The following NR2C1 variants were observed in gnomAD, a reference collection of about 807,000 sequenced individuals.
NR2C1 encodes TR2 nuclear hormone receptor.
NR2C1 carries 33 observed loss-of-function variants against 74.8 expected under a neutral mutation model. The ratio of observed to expected loss-of-function variants is 0.44; its 90% CI spans 0.33 to 0.59. NR2C1 has a LOEUF of 0.59. Ranked by LOEUF, NR2C1 falls within the 20% of genes least tolerant of loss-of-function variation. The pLI is 0.02. For synonymous variants in NR2C1, 225 were observed against 240.6 expected (o/e 0.94, Z 0.60); for missense variants, 568 against 715.6 (o/e 0.79, Z 2.35).
intron 9 of NR2C1, among the ~76,000 whole-genome samples, chr12:95,048,728 G>T (rs1004533838): frequency 6.7e-6 from 1 of 149,384 alleles, no homozygotes; most frequent in Non-Finnish European, 1.5e-5. Context: ...GAGTTCAATC[G>T]ATTGTCCTGC....
At chr12:95,033,288 T>G (rs1403293915) in intron 10 of NR2C1, among the ~76,000 whole-genome samples, 1 of 152,126 alleles carries the variant, frequency 6.6e-6, no homozygotes, top group Non-Finnish European at 1.5e-5. Context: ...ACATATATGA[T>G]TATACATAAT....
intron 12 of NR2C1, 149 bp downstream of exon 12, chr12:95,028,238 T>C (rs748393154): frequency 1.2e-5 from 7 of 607,884 alleles, no homozygotes; most frequent in Admixed American, 3.3e-5. Context: ...AGTCATATGA[T>C]AACTCCATGT....
chr12:95,034,805 G>T (rs1870607431), intron 10 of NR2C1, among the ~76,000 whole-genome samples: 1 of 152,118 alleles, frequency 6.6e-6, no homozygotes, highest in Non-Finnish European at 1.5e-5. Context: ...AGGAGCACTA[G>T]GCTGTAGCAT....
chr12:95,025,734 A>G (rs1869284865), intron 12 of NR2C1, among the ~76,000 whole-genome samples: 1 of 150,500 alleles, frequency 6.6e-6, no homozygotes, highest in Admixed American at 6.7e-5. Flanking sequence ...ACTATATACC[A>G]AGCACTATAT....
chr12:95,066,216 A>T (rs992398835), intron 2 of NR2C1, among the ~76,000 whole-genome samples: 11 of 152,148 alleles, frequency 7.2e-5, no homozygotes, highest in African/African-American at 2.7e-4. Context: ...TTTGGTTATA[A>T]CAAGGCTGGG....
At chr12:95,029,602 G>C (rs1258236206) in intron 11 of NR2C1, among the ~76,000 whole-genome samples, 3 of 144,380 alleles carry the variant, frequency 2.1e-5, no homozygotes, top group Non-Finnish European at 4.5e-5. Context: ...CTGTCGCCCA[G>C]GCTGGAGTGC....
intron 9 of NR2C1, among the ~76,000 whole-genome samples, chr12:95,047,174 T>TA (rs1360877226): frequency 6.6e-6 from 1 of 152,182 alleles, no homozygotes; most frequent in Non-Finnish European, 1.5e-5. Flanking sequence ...TCCTCCCATT[T>TA]AAATCCAAAG....
chr12:95,051,652 C>T (rs1873023303), intron 8 of NR2C1, 110 bp downstream of exon 8: 5 of 889,960 alleles, frequency 5.6e-6, no homozygotes, highest in African/African-American at 1.7e-5. Flanking sequence ...GATAATCAAC[C>T]TGTATTTGTT....
At chr12:95,045,403 A>C (rs1872185659) in intron 9 of NR2C1, among the ~76,000 whole-genome samples, 1 of 152,220 alleles carries the variant, frequency 6.6e-6, no homozygotes, top group Non-Finnish European at 1.5e-5. Flanking sequence ...TTTTTAACAA[A>C]TATAACGCTG....
At chr12:95,022,554 T>C in intron 13 of NR2C1, 151 bp from the exon 14 acceptor site, 1 of 685,146 alleles carries the variant, frequency 1.5e-6, no homozygotes, top group Non-Finnish European at 2.4e-6. Context: ...TCTCAAGCCT[T>C]AGAACATATG....
intron 9 of NR2C1, among the ~76,000 whole-genome samples, chr12:95,047,576 T>C (rs923616969): frequency 2.0e-5 from 3 of 152,238 alleles, no homozygotes; most frequent in Non-Finnish European, 4.4e-5. Context: ...TACATATTTA[T>C]TTGATAGCTG....
chr12:95,028,691 G>A (rs1340407394), intron 11 of NR2C1, among the ~76,000 whole-genome samples, 167 bp from the exon 12 acceptor site: 1 of 152,154 alleles, frequency 6.6e-6, no homozygotes, highest in East Asian at 1.9e-4. Context: ...GTGCAGTGCG[G>A]TGATCTTGGC....
chr12:95,058,751 A>G (rs1354943356), intron 4 of NR2C1, among the ~76,000 whole-genome samples: 1 of 152,128 alleles, frequency 6.6e-6, no homozygotes, highest in Non-Finnish European at 1.5e-5. Flanking sequence ...GATATCCCCA[A>G]CTAGCTGGGA....
intron 1 of NR2C1, among the ~76,000 whole-genome samples, chr12:95,072,011 G>T (rs1876711201): frequency 6.6e-6 from 1 of 151,568 alleles, no homozygotes; most frequent in South Asian, 2.1e-4. Context: ...GCCTCCCAAA[G>T]TGCTGGGATT....
At chr12:95,064,215 G>A (rs1345598134) in intron 2 of NR2C1, among the ~76,000 whole-genome samples, 3 of 151,366 alleles carry the variant, frequency 2.0e-5, no homozygotes, top group South Asian at 4.2e-4. Flanking sequence ...TGTAATCCGA[G>A]CTATGTGGGA....
intron 3 of NR2C1, among the ~76,000 whole-genome samples, chr12:95,060,373 G>T (rs562155406): frequency 3.9e-5 from 6 of 152,210 alleles, no homozygotes; most frequent in Non-Finnish European, 8.8e-5. Flanking sequence ...ACAAAAAAAG[G>T]CTGGGTGCGG....
At chr12:95,046,022 T>G (rs1419243201) in intron 9 of NR2C1, among the ~76,000 whole-genome samples, 6 of 152,028 alleles carry the variant, frequency 3.9e-5, no homozygotes, top group Non-Finnish European at 5.9e-5. Flanking sequence ...GTATTTTTAG[T>G]AAACACGGGA....
chr12:95,044,356 C>T (rs1394725888), intron 9 of NR2C1, among the ~76,000 whole-genome samples: 1 of 151,938 alleles, frequency 6.6e-6, no homozygotes, highest in Non-Finnish European at 1.5e-5. Flanking sequence ...CAACCTCCGC[C>T]TCCCGGGTTC....
chr12:95,049,202 G>C lies in NR2C1; in HGVS notation c.997C>G (p.Pro333Ala). The C allele has an allele frequency of 1.2e-6, 2 of 1,614,044 alleles. No individual in the cohort carries two copies. The highest frequency in any genetic ancestry group is 1.7e-6 in the Non-Finnish European group (2 of 1,179,996). The change falls in exon 9 of 14, where the codon CCT becomes GCT. Residue 333 changes from proline to alanine, a missense_variant. This residue lies in a region of NR2C1 where 239 missense variants were observed against 232.3 expected (regional missense o/e 1.03). Coordinates refer to ENST00000333003, the MANE Select transcript of NR2C1 (RefSeq NM_003297.4). ...CTCTGGCAGGCTGTGCTCTCTCCAG[G>C]ATTCAATGCTTTTGCAAGAGTGTCA... ...AFDTLAKALN[P>A]GESTACQSSV...
Sources: allele counts gnomAD v4.1 joint callset (sites outside exome capture counted in the v4.1 genomes callset), GRCh38; gene constraint gnomAD v4.1.1; regional missense constraint gnomAD v4.1.1; transcripts MANE v1.5; gene names NCBI Gene and HGNC (gene_info 2026-07-23, HGNC 2026-07-21).